LRP2: variants seen among roughly 807,000 people sequenced by gnomAD.
The protein encoded by LRP2 is low-density lipoprotein receptor-related protein 2.
LRP2 carries 172 observed loss-of-function variants against 531.0 expected under a neutral mutation model. That is an observed-to-expected ratio of 0.32 (90% confidence interval 0.29 to 0.37). LRP2 has a LOEUF of 0.37. Ranked by LOEUF, LRP2 falls within the 10% of genes least tolerant of loss-of-function variation. The probability of loss-of-function intolerance (pLI) is 1.00; values close to 1 mark genes in which losing one functional copy is unlikely to be tolerated. For missense variants in LRP2, 5,167 were observed against 5,868.3 expected (o/e 0.88, Z 3.90); for synonymous variants, 1,992 against 2,027.6 (o/e 0.98, Z 0.47).
At chr2:169,245,054 T>C in intron 21 of LRP2, 122 bp from the exon 22 acceptor site, 2 of 1,076,558 alleles carry the variant, frequency 1.9e-6, no homozygotes, top group Non-Finnish European at 2.8e-6. Flanking sequence ...TAAGGAGAAA[T>C]GTTCATCAAG....
At chr2:169,229,250 A>G (rs1434135395) in intron 31 of LRP2, among the ~76,000 whole-genome samples, 1 of 152,168 alleles carries the variant, frequency 6.6e-6, no homozygotes, top group Non-Finnish European at 1.5e-5. Flanking sequence ...GTTAAAGATC[A>G]TCTCTTCATT....
In LRP2 at chr2:169,272,914, A is replaced by G; in HGVS notation, c.2116+13T>C. ...GTGTCACCTGCCAACAACGTCCAAA[A>G]CAGACTTCTTACCAATGCAGTGGCG... On this transcript the variant is annotated intron_variant, in intron 15 of 78. Transcript: ENST00000649046. 1 of 1,613,530 alleles carries G rather than the reference A, an allele frequency of 6.2e-7. No homozygotes were observed. Among genetic ancestry groups the G allele is most frequent in the Non-Finnish European group, 8.5e-7 (1 of 1,179,598 alleles).
At chr2:169,319,000 C>CAAATAGTAAACAAA in intron 2 of LRP2, 116 bp from the exon 3 acceptor site, 1 of 1,323,122 alleles carries the variant, frequency 7.6e-7, no homozygotes, top group East Asian at 2.5e-5. Context: ...TATTTGAAGG[C>CAAATAGTAAACAAA]AAATAGTAAA....
intron 34 of LRP2, among the ~76,000 whole-genome samples, chr2:169,219,822 T>TAA (rs3216575): frequency 1.7e-4 from 26 of 151,918 alleles, no homozygotes; most frequent in African/African-American, 6.3e-4. Context: ...TGAAATTTTT[T>TAA]AAAAAAAATC....
Position 169,239,913 on chromosome 2 carries a change from A to G in LRP2, c.4046-138T>C, listed in dbSNP as rs1689743990. On this transcript the variant is annotated intron_variant, in intron 25 of 78. Transcript: ENST00000649046. ...CAGACAAGAGCTAAGTGCAGCATGC[A>G]CTTGGGTGAGTTCCACAGGCTGTTC... 1.5e-5 allele frequency: 11 copies of G among 754,586 alleles called. 1 individual carries two copies. In the South Asian group the frequency reaches 1.7e-4, roughly 12 times the overall value. The allele number at this position is 754,586 out of a possible 1,614,324, so 46.7% of individuals were successfully genotyped here. A position where few individuals can be genotyped will look rare whatever the true frequency, so the allele number is the denominator to read the frequency against.
chr2:169,170,724 A>C, intron 58 of LRP2, 57 bp from the exon 59 acceptor site: 1 of 1,226,014 alleles, frequency 8.2e-7, no homozygotes, highest in Non-Finnish European at 1.2e-6. Flanking sequence ...TACAGGAGAC[A>C]TCTTGTGAGC....
chr2:169,178,473 A>G (rs1687300467), intron 52 of LRP2, among the ~76,000 whole-genome samples: 1 of 152,202 alleles, frequency 6.6e-6, no homozygotes, highest in Non-Finnish European at 1.5e-5. Flanking sequence ...CCTTCTCATT[A>G]ACATTCCGGA....
rs762009094 is a variant in LRP2 at position 169,206,322 on chromosome 2, G to A, written c.7390+8C>T. Reference sequence around the variant, plus strand: ...TTGCAGGACAAGCAGCACCTGGAGTGCACTTACCTGAAGCAATGACAGTTG... The same window carrying A: ...TTGCAGGACAAGCAGCACCTGGAGTACACTTACCTGAAGCAATGACAGTTG... On this transcript the variant is annotated splice_region_variant and intron_variant, in intron 39 of 78. Coordinates refer to ENST00000649046, the MANE Select transcript of LRP2 (RefSeq NM_004525.3). 1.9e-6 allele frequency: 3 copies of A among 1,613,496 alleles called. No individual in the cohort carries two copies. The highest frequency in any genetic ancestry group is 2.5e-6 in the Non-Finnish European group (3 of 1,179,684).
intron 47 of LRP2, among the ~76,000 whole-genome samples, chr2:169,192,995 G>T (rs1027580157): frequency 9.9e-5 from 15 of 152,168 alleles, no homozygotes; most frequent in African/African-American, 2.9e-4. Flanking sequence ...AACTAGCTAA[G>T]ATTTCCATAC....
At position 169,237,184 on chromosome 2, in the gene LRP2, T is replaced by C. The variant is rs965415886; in HGVS notation, c.4610A>G (p.Lys1537Arg). ...CACAGTCCTGTGGCTCCCATCAATT[T>C]TGGAGACTTCAATTGTTTCCAGAGC... ...DYALETIEVSKIDGSHRTVLI... is the reference protein window; with the variant it reads ...DYALETIEVSRIDGSHRTVLI... The change falls in exon 28 of 79, where the codon AAA (lysine) becomes AGA (arginine). Residue 1537 changes from lysine (K) to arginine (R), a missense_variant. Physicochemically the swap from Lys to Arg is conservative, Grantham distance 26. Coordinates refer to ENST00000649046, the MANE Select transcript of LRP2 (RefSeq NM_004525.3). 1.7e-5 allele frequency: 27 copies of C among 1,614,006 alleles called. No individual in the cohort carries two copies. The highest frequency in any genetic ancestry group is 3.3e-4 in the Middle Eastern group (2 of 6,058).
At chr2:169,180,835 T>C (rs562601934) in intron 52 of LRP2, among the ~76,000 whole-genome samples, 1 of 152,374 alleles carries the variant, frequency 6.6e-6, no homozygotes, top group Admixed American at 6.5e-5. Flanking sequence ...TGGGTATTGT[T>C]GTTTAATTTT....
intron 63 of LRP2, among the ~76,000 whole-genome samples, chr2:169,158,784 G>A (rs1458258416): frequency 6.6e-6 from 1 of 150,400 alleles, no homozygotes; most frequent in Non-Finnish European, 1.5e-5. Flanking sequence ...TTAAAGGTTA[G>A]TTCTCTTTTA....
chr2:169,295,536 C>T (rs1372751534), intron 4 of LRP2, among the ~76,000 whole-genome samples: 1 of 152,148 alleles, frequency 6.6e-6, no homozygotes, highest in Admixed American at 6.5e-5. Context: ...CCACCTGTCT[C>T]TCATGACTTC....
Position 169,173,154 on chromosome 2 carries a change from CT to C in LRP2, c.11084del (p.Lys3695SerfsTer8), listed in dbSNP as rs765987063. The C allele has an allele frequency of 6.2e-7, 1 of 1,614,206 alleles. No individual in the cohort carries two copies. The highest frequency in any genetic ancestry group is 1.7e-5 in the Admixed American group (1 of 60,030). On this transcript the variant is annotated frameshift_variant, in exon 57 of 79. Coordinates refer to ENST00000649046, the MANE Select transcript of LRP2 (RefSeq NM_004525.3). LOFTEE classifies it high-confidence loss of function. ...CATCTACACCATTGCACACGGCCCA[CT>C]TTGGGATGCAGCGGTAATTTGTTTT... ...SCKTNYRCIP[K>X]WAVCNGVDDC...
rs1685388988 is a variant in LRP2, at chr2:169,335,873, G to A, written c.80-14989C>T. Among the ~76,000 whole-genome samples, 8 of 151,994 alleles carry A rather than the reference G, an allele frequency of 5.3e-5. No homozygotes were observed. The South Asian group carries it at 1.7e-3, about 32-fold the overall frequency. ...TACTAAAAATACAAAAAATTAGCCA[G>A]GCATGGTGGCATGCACCTGTAGTCC... On this transcript the variant is annotated intron_variant, in intron 1 of 78. Transcript: ENST00000649046.
intron 3 of LRP2, among the ~76,000 whole-genome samples, chr2:169,313,135 G>A (rs986208377): frequency 6.6e-6 from 1 of 152,032 alleles, no homozygotes; most frequent in African/African-American, 2.4e-5. Flanking sequence ...TAGCTTCTTT[G>A]CGATGGGTTT....
chr2:169,257,822 A>AAC (rs1232787737), intron 17 of LRP2, among the ~76,000 whole-genome samples: 3 of 113,796 alleles, frequency 2.6e-5, no homozygotes, highest in African/African-American at 7.3e-5. Flanking sequence ...AAAAAAACAA[A>AAC]AACAAAAAAA....
In LRP2 at chr2:169,294,715, TGTA is replaced by T; in HGVS notation, c.428-8_428-6del. 9.1e-7 allele frequency: 1 copy of T among 1,093,708 alleles called. No individual in the cohort carries two copies. Among genetic ancestry groups the T allele is most frequent in the Non-Finnish European group, 1.2e-6 (1 of 804,136 alleles). The allele number at this position is 1,093,708 out of a possible 1,614,324, so 67.8% of individuals were successfully genotyped here. ...GCTGCTCACATGTTGGGTACTCTAT[TGTA>T]AAAAAAAAAAAAAAAAAAAAAAGGA... On this transcript the variant is annotated splice_polypyrimidine_tract_variant and splice_region_variant and intron_variant, in intron 4 of 78. Transcript: ENST00000649046.
chr2:169,160,685 A>AAAAAAAAAAAAAAAC (rs970862922), intron 63 of LRP2, among the ~76,000 whole-genome samples: 5 of 94,234 alleles, frequency 5.3e-5, no homozygotes, highest in Non-Finnish European at 8.6e-5. Flanking sequence ...ATTTCCTTAA[A>AAAAAAAAAAAAAAAC]AAAAAAAAAA....
Sources: allele counts gnomAD v4.1 joint callset (sites outside exome capture counted in the v4.1 genomes callset), GRCh38; gene constraint gnomAD v4.1.1; transcripts MANE v1.5; gene names NCBI Gene and HGNC (gene_info 2026-07-23, HGNC 2026-07-21).